The following ZNF398 variants were observed in gnomAD, a reference collection of about 807,000 sequenced individuals.
ZNF398 encodes zinc finger protein 398.
ZNF398 carries 18 observed loss-of-function variants against 41.9 expected under a neutral mutation model. That is an observed-to-expected ratio of 0.43 (90% CI 0.30 to 0.64). The LOEUF is 0.64. Among genes scored for constraint, ZNF398 ranks in the 30% least tolerant of loss-of-function variants. The pLI is 0.14. For missense variants in ZNF398, 669 were observed against 822.8 expected, an observed-to-expected ratio of 0.81 and a Z score of 2.29; for synonymous variants, 260 against 308.8, an observed-to-expected ratio of 0.84 and a Z score of 1.66.
At chr7:149,134,630 A>G (rs1372227670) in intron 2 of ZNF398, among the ~76,000 whole-genome samples, 4 of 152,164 alleles carry the variant, frequency 2.6e-5, no homozygotes, top group Non-Finnish European at 4.4e-5. Flanking sequence ...TATATTAACT[A>G]GACATTAGAT....
In ZNF398 at chr7:149,163,456, T is replaced by C. The variant is rs1010208101; in HGVS notation, c.421-2702T>C. Among the ~76,000 whole-genome samples, 36 of 149,476 alleles carry C rather than the reference T, an allele frequency of 2.4e-4. No individual in the cohort carries two copies. The East Asian group carries it at 7.2e-3, about 30-fold the overall frequency. ...GGTGTGATCTCGGCTCACCGCAACCTCCGCCTCCCGAGTTCAAGCGATTCT... is the reference window on the plus strand; with the variant it reads ...GGTGTGATCTCGGCTCACCGCAACCCCCGCCTCCCGAGTTCAAGCGATTCT... On this transcript the variant is annotated intron_variant, in intron 2 of 5. Transcript: ENST00000475153.
chr7:149,155,539 C>A (rs867392259), intron 2 of ZNF398, among the ~76,000 whole-genome samples: 1 of 151,810 alleles, frequency 6.6e-6, no homozygotes, highest in Non-Finnish European at 1.5e-5. Flanking sequence ...TTTTTAAAAA[C>A]CTCCATAGAT....
chr7:149,132,459 G>T (rs138786607), intron 2 of ZNF398, among the ~76,000 whole-genome samples: 1 of 152,030 alleles, frequency 6.6e-6, no homozygotes, highest in Non-Finnish European at 1.5e-5. Context: ...CTCCCAAAGC[G>T]CTGGGAATAC....
intron 4 of ZNF398, among the ~76,000 whole-genome samples, chr7:149,167,696 C>T (rs1481168715): frequency 2.0e-5 from 3 of 149,454 alleles, no homozygotes; most frequent in Middle Eastern, 3.4e-3. Flanking sequence ...CTGCAAGCTC[C>T]GTCTCCTGGG....
At position 149,170,734 on chromosome 7, in the gene ZNF398, C is replaced by CA. The variant is rs981087671; in HGVS notation, c.661+3815dup. Among the ~76,000 whole-genome samples the CA allele has an allele frequency of 6.5e-3, 927 of 142,732 alleles. 5 individuals carry two copies. Among genetic ancestry groups the CA allele is most frequent in the African/African-American group, 0.021 (802 of 38,930 alleles). 93.6% of individuals were successfully genotyped at this position (142,732 alleles called of 152,430 possible). ...TGGGCAACAGAGCGAGACTCCATCTCAAAAAAAAAAATACAAAATGGTACA... is the reference window on the plus strand; with the variant it reads ...TGGGCAACAGAGCGAGACTCCATCTCAAAAAAAAAAAATACAAAATGGTACA... On this transcript the variant is annotated intron_variant, in intron 4 of 5. Transcript: ENST00000475153.
chr7:149,158,050 C>T (rs951588545), intron 2 of ZNF398, among the ~76,000 whole-genome samples: 8 of 151,810 alleles, frequency 5.3e-5, no homozygotes, highest in African/African-American at 1.9e-4. Context: ...CCATTGCACT[C>T]CAGTCTGGGC....
chr7:149,147,978 G>A lies in ZNF398; in HGVS notation c.24+212G>A. ...CCACCCGGGGACACCAGGCTGGGCC[G>A]CAGGTCTGAGGGGCACTCGCAGGCA... On this transcript the variant is annotated intron_variant, in intron 1 of 5. Transcript: ENST00000475153. This position sits in a 1 kb window ranked among gnomAD's most constrained non-coding sequence, Gnocchi z 5.6. 4.4e-6 allele frequency: 2 copies of A among 459,708 alleles called. No individual in the cohort carries two copies. Among genetic ancestry groups the A allele is most frequent in the Non-Finnish European group, 7.1e-6 (2 of 279,942 alleles). The allele number at this position is 459,708 out of a possible 1,614,324, so 28.5% of individuals were successfully genotyped here.
intron 4 of ZNF398, among the ~76,000 whole-genome samples, chr7:149,168,741 G>A (rs1047838737): frequency 1.3e-5 from 2 of 151,742 alleles, no homozygotes; most frequent in Non-Finnish European, 2.9e-5. Flanking sequence ...TTTTAGTAGA[G>A]ATGGGGTTTC....
intron 2 of ZNF398, among the ~76,000 whole-genome samples, chr7:149,155,715 T>A (rs1199637059): frequency 0.05 from 1,349 of 26,742 alleles, 20 homozygotes; most frequent in African/African-American, 0.1. Flanking sequence ...ATATTTTTTT[T>A]TTTTTTTTTT....
At chr7:149,138,897 A>G (rs1056998363) in intron 2 of ZNF398, among the ~76,000 whole-genome samples, 1 of 148,658 alleles carries the variant, frequency 6.7e-6, no homozygotes, top group Non-Finnish European at 1.5e-5. Context: ...CTACAGGTGC[A>G]TGCCACTATG....
chr7:149,178,866 T>C lies in ZNF398; in HGVS notation c.994T>C (p.Tyr332His), dbSNP rs1326727459. Residue 332 changes from tyrosine to histidine, a missense_variant, in exon 6 of 6, where the codon TAT becomes CAT. Physicochemically the swap from Tyr to His is moderately conservative, Grantham distance 83. Transcript: ENST00000475153. ...AGTGACTTTTACTCAGTTGGGTAGC[T>C]ATCCCCTCCCACCTCCAGTTGGCGA... ...GQVTFTQLGS[Y>H]PLPPPVGEQV... The C allele has an allele frequency of 6.2e-7, 1 of 1,614,124 alleles. No individual in the cohort carries two copies. Among genetic ancestry groups the C allele is most frequent in the Non-Finnish European group, 8.5e-7 (1 of 1,179,982 alleles).
intron 1 of ZNF398, among the ~76,000 whole-genome samples, chr7:149,151,887 A>G (rs1282932370): frequency 3.3e-5 from 5 of 151,470 alleles, no homozygotes; most frequent in Admixed American, 2.6e-4. Flanking sequence ...CCTGGGTTCA[A>G]GCAATAAGTG....
intron 4 of ZNF398, among the ~76,000 whole-genome samples, chr7:149,174,589 T>C (rs995171480): frequency 1.3e-5 from 2 of 151,790 alleles, no homozygotes; most frequent in African/African-American, 4.8e-5. Flanking sequence ...CTTTGGGAGG[T>C]TGAGGCAGGT....
rs151005743 is a variant in ZNF398 at position 149,178,747 on chromosome 7, C to T, written c.875C>T (p.Ala292Val). 1 of 1,614,226 alleles carries T rather than the reference C, an allele frequency of 6.2e-7. No individual in the cohort carries two copies. Among genetic ancestry groups the T allele is most frequent in the East Asian group, 2.2e-5 (1 of 44,888 alleles). The part of the protein sequence containing the change: ...FSSPPAAAKD[A>V]FSDVAFKSQQ... Reference sequence around the variant, plus strand: ...TCTCCACCAGCAGCAGCAAAGGATGCTTTTTCAGATGTGGCTTTCAAAAGC... The same window carrying T: ...TCTCCACCAGCAGCAGCAAAGGATGTTTTTTCAGATGTGGCTTTCAAAAGC... Residue 292 changes from alanine to valine, a missense_variant, in exon 6 of 6, where the codon GCT becomes GTT. Ala to Val is a moderately conservative substitution (Grantham distance 64). This residue lies in a region of ZNF398 where 290 missense variants were observed against 292.9 expected (regional missense o/e 0.99). Coordinates refer to ENST00000475153, the MANE Select transcript of ZNF398 (RefSeq NM_170686.3).
chr7:149,160,431 C>G (rs1034629615), intron 2 of ZNF398, among the ~76,000 whole-genome samples: 3 of 151,292 alleles, frequency 2.0e-5, no homozygotes, highest in African/African-American at 7.4e-5. Flanking sequence ...CTGCATATGG[C>G]CATTCCCTAC....
intron 2 of ZNF398, among the ~76,000 whole-genome samples, chr7:149,140,495 C>T (rs1415346183): frequency 6.6e-6 from 1 of 152,156 alleles, no homozygotes; most frequent in East Asian, 1.9e-4. Flanking sequence ...AGCGATCCTC[C>T]TGCCTCAGCC....
exon 1 of ZNF398, chr7:149,126,445 C>G: frequency 1.4e-6 from 1 of 697,498 alleles, no homozygotes; most frequent in South Asian, 2.2e-5. Flanking sequence ...CCCGGGCACC[C>G]TCCGTGCGGG....
rs1441751675 is a variant in ZNF398, at chr7:149,179,520, C to T, written c.1648C>T (p.Arg550Cys). 4 of 1,614,224 alleles carry T rather than the reference C, an allele frequency of 2.5e-6. No homozygotes were observed. The highest frequency in any genetic ancestry group is 3.4e-6 in the Non-Finnish European group (4 of 1,180,046). ...SCPHCGKSFIRKHHLMKHQRI... is the reference protein window; with the variant it reads ...SCPHCGKSFICKHHLMKHQRI... ...TCCTCACTGTGGCAAGAGCTTCATC[C>T]GCAAGCACCACCTAATGAAACACCA... The change falls in exon 6 of 6, where the codon CGC becomes TGC. Residue 550 changes from arginine to cysteine, a missense_variant. Arg to Cys is a radical substitution (Grantham distance 180, BLOSUM62 -3). Around this residue, in one of 3 missense-constraint regions of ZNF398, gnomAD observed 210 missense variants for 290.4 expected, o/e 0.72. Coordinates refer to ENST00000475153, the MANE Select transcript of ZNF398 (RefSeq NM_170686.3). This position sits in a 1 kb window ranked among gnomAD's most constrained non-coding sequence, Gnocchi z 6.1.
chr7:149,141,931 A>G (rs1223338280), intron 2 of ZNF398, among the ~76,000 whole-genome samples: 1 of 152,132 alleles, frequency 6.6e-6, no homozygotes, highest in East Asian at 1.9e-4. Flanking sequence ...AAGACAAGTT[A>G]TCATAGGTTG....
Sources: allele counts gnomAD v4.1 joint callset (sites outside exome capture counted in the v4.1 genomes callset), GRCh38; gene constraint gnomAD v4.1.1; regional missense constraint gnomAD v4.1.1; non-coding constraint Gnocchi (gnomAD v3.1); transcripts MANE v1.5; gene names NCBI Gene and HGNC (gene_info 2026-07-23, HGNC 2026-07-21).